FSTL4: variants seen among roughly 807,000 people sequenced by gnomAD.
FSTL4 encodes the protein follistatin like 4.
Under a neutral mutation model 78.2 loss-of-function variants are expected in FSTL4, and 28 were observed. The ratio of observed to expected loss-of-function variants is 0.36; its 90% confidence interval spans 0.27 to 0.49. FSTL4 has a LOEUF of 0.49. FSTL4 is among the 20% of genes least tolerant of loss of function. FSTL4 has a pLI of 0.98. For synonymous variants in FSTL4, 422 were observed against 440.5 expected, an observed-to-expected ratio of 0.96 and a Z score of 0.53; for missense variants, 922 against 1,084.9, an observed-to-expected ratio of 0.85 and a Z score of 2.11.
the FSTL4 span, among the ~76,000 whole-genome samples, chr5:133,822,525 A>G: frequency 1.2e-3 from 184 of 152,278 alleles, 1 homozygote; most frequent in East Asian, 0.033. Context: ...TTCATTACTG[A>G]GATGGGAGAG....
chr5:133,441,915 C>T (rs1472917591), intron 3 of FSTL4, among the ~76,000 whole-genome samples: 1 of 152,208 alleles, frequency 6.6e-6, no homozygotes, highest in African/African-American at 2.4e-5. Flanking sequence ...CTTTTCATGC[C>T]TCTGAATGGG....
chr5:133,245,644 GGTACGGAGCTT>G (rs1752019194), intron 7 of FSTL4, among the ~76,000 whole-genome samples: 1 of 152,142 alleles, frequency 6.6e-6, no homozygotes. Context: ...TCTCTACTCT[GGTACGGAGCTT>G]GTGACTCTCA....
intron 6 of FSTL4, among the ~76,000 whole-genome samples, chr5:133,303,269 C>T (rs1001606070): frequency 1.3e-5 from 2 of 152,160 alleles, no homozygotes; most frequent in African/African-American, 4.8e-5. Flanking sequence ...GCCTTTGGGG[C>T]TAAAGAGCTG....
At chr5:133,471,971 C>T (rs977777709) in intron 3 of FSTL4, among the ~76,000 whole-genome samples, 1 of 152,132 alleles carries the variant, frequency 6.6e-6, no homozygotes, top group Admixed American at 6.5e-5. Context: ...CAGTTAAGAG[C>T]TGCTGGGCCT....
At chr5:133,505,016 T>C (rs1042390819) in intron 3 of FSTL4, among the ~76,000 whole-genome samples, 2 of 152,304 alleles carry the variant, frequency 1.3e-5, no homozygotes, top group African/African-American at 4.8e-5. Flanking sequence ...AATATATTTT[T>C]TAAGTAACAA....
At position 133,224,298 on chromosome 5, in the gene FSTL4, G is replaced by A. The variant is rs550286253; in HGVS notation, c.1313-82C>T. ...AAAGCAGTGTTAAACCGTCACTGCAGTGATTCCATTTATGAAGATCCTGGT... is the reference window on the plus strand; with the variant it reads ...AAAGCAGTGTTAAACCGTCACTGCAATGATTCCATTTATGAAGATCCTGGT... On this transcript the variant is annotated intron_variant, in intron 10 of 15. Transcript: ENST00000265342. 4 of 1,021,124 alleles carry A rather than the reference G, an allele frequency of 3.9e-6. No homozygotes were observed. In the East Asian group the frequency reaches 9.6e-5, roughly 25 times the overall value. The allele number at this position is 1,021,124 out of a possible 1,614,324, so 63.3% of individuals were successfully genotyped here. A position where few individuals can be genotyped will look rare whatever the true frequency, so the allele number is the denominator to read the frequency against.
chr5:133,793,772 G>A, the FSTL4 span, among the ~76,000 whole-genome samples: 341 of 152,292 alleles, frequency 2.2e-3, 4 homozygotes, highest in African/African-American at 8.0e-3. Context: ...AAGCAGCCCC[G>A]GGTTTGTTTC....
chr5:133,553,164 T>C (rs76769857), intron 3 of FSTL4, among the ~76,000 whole-genome samples: 32 of 152,244 alleles, frequency 2.1e-4, no homozygotes, highest in African/African-American at 7.7e-4. Context: ...CCACAGTCTG[T>C]ATCAAGAGGG....
chr5:133,617,297 T>C (rs767457121), upstream of FSTL4, among the ~76,000 whole-genome samples: 51 of 45,264 alleles, frequency 1.1e-3, no homozygotes, highest in Admixed American at 0.015. Flanking sequence ...AGACTCCATC[T>C]CAAAAAAAAA....
chr5:133,551,577 T>C (rs1315127873), intron 3 of FSTL4, among the ~76,000 whole-genome samples: 1 of 152,238 alleles, frequency 6.6e-6, no homozygotes, highest in Non-Finnish European at 1.5e-5. Flanking sequence ...CGCTGAGATG[T>C]CATCTCTCAT....
At chr5:133,517,927 C>T (rs1758897827) in intron 3 of FSTL4, among the ~76,000 whole-genome samples, 1 of 152,168 alleles carries the variant, frequency 6.6e-6, no homozygotes, top group Admixed American at 6.5e-5. Flanking sequence ...GTGAGGTCCA[C>T]CCACATTATG....
At chr5:133,337,735 T>C (rs1268064379) in intron 4 of FSTL4, among the ~76,000 whole-genome samples, 1 of 152,220 alleles carries the variant, frequency 6.6e-6, no homozygotes, top group Non-Finnish European at 1.5e-5. Context: ...GAGTCGATGC[T>C]GCACACCACT....
At chr5:133,477,177 G>C (rs1408343947) in intron 3 of FSTL4, among the ~76,000 whole-genome samples, 2 of 152,204 alleles carry the variant, frequency 1.3e-5, no homozygotes, top group Middle Eastern at 3.4e-3. Context: ...ATAATTATTA[G>C]TGAGTAAAAA....
chr5:133,253,461 T>C (rs1752309916), intron 6 of FSTL4, among the ~76,000 whole-genome samples: 1 of 152,238 alleles, frequency 6.6e-6, no homozygotes, highest in Non-Finnish European at 1.5e-5. Flanking sequence ...GATTATTCTA[T>C]GTTCATGCCC....
chr5:133,659,470 C>G, the FSTL4 span, among the ~76,000 whole-genome samples: 2 of 151,736 alleles, frequency 1.3e-5, no homozygotes, highest in East Asian at 3.8e-4. Context: ...TGTTTCTAAT[C>G]TATTGTTTGG....
chr5:133,492,905 G>C (rs574391606), intron 3 of FSTL4, among the ~76,000 whole-genome samples: 3 of 151,062 alleles, frequency 2.0e-5, no homozygotes, highest in East Asian at 1.9e-4. Context: ...TTCTATCTTT[G>C]TGTCTCTCTG....
chr5:133,555,227 G>A (rs761733869), intron 3 of FSTL4, among the ~76,000 whole-genome samples: 2 of 152,204 alleles, frequency 1.3e-5, no homozygotes, highest in Non-Finnish European at 2.9e-5. Flanking sequence ...ATTGACAGAT[G>A]AGAGAAGTCA....
chr5:133,249,450 T>C lies in FSTL4; in HGVS notation c.854A>G (p.Asn285Ser). 6.2e-7 allele frequency: 1 copy of C among 1,613,994 alleles called. No individual in the cohort carries two copies. The highest frequency in any genetic ancestry group is 8.5e-7 in the Non-Finnish European group (1 of 1,179,878). The change falls in exon 7 of 16, where the codon AAC becomes AGC. Residue 285 changes from asparagine (N) to serine (S), a missense_variant. Physicochemically the swap from Asn to Ser is conservative, Grantham distance 46 (BLOSUM62 1). Transcript: ENST00000265342. ...DLRPPIIWKR[N>S]GLTLNFLDLE... ...GTCCAGGAAGTTCAGGGTGAGCCCG[T>C]TGCGCTTCCAGATGATTGGTGGCCT...
In FSTL4 at chr5:133,225,372, C is replaced by CCCA; in HGVS notation, c.1178-91_1178-89dup. ...GGGGCCATTGAGAGTGTTAGGGCTGCCCAGCCCCTGGGCAGCCAGCAGCCC... is the reference window on the plus strand; with the variant it reads ...GGGGCCATTGAGAGTGTTAGGGCTGCCCACCAGCCCCTGGGCAGCCAGCAGCCC... On this transcript the variant is annotated intron_variant, in intron 9 of 15. Transcript: ENST00000265342. The surrounding 1 kb of genome is among the most constrained non-coding windows in gnomAD (Gnocchi z 4.6). 2 of 1,518,274 alleles carry CCCA rather than the reference C, an allele frequency of 1.3e-6. No homozygotes were observed. Among genetic ancestry groups the CCCA allele is most frequent in the South Asian group, 2.3e-5 (2 of 87,286 alleles). 94.1% of individuals were successfully genotyped at this position (1,518,274 alleles called of 1,614,324 possible). A position where few individuals can be genotyped will look rare whatever the true frequency, so the allele number is the denominator to read the frequency against.
Sources: gnomAD v4.1 joint callset for allele counts (sites outside exome capture counted in the v4.1 genomes callset) on GRCh38, gnomAD v4.1.1 for gene constraint, Gnocchi (gnomAD v3.1) non-coding constraint, MANE v1.5 for transcripts, NCBI Gene and HGNC (gene_info 2026-07-23, HGNC 2026-07-21) for gene names.